The following PCDHGA12 variants were observed in gnomAD, a reference collection of about 807,000 sequenced individuals.
PCDHGA12 encodes the protein protocadherin gamma-A12.
In PCDHGA12, 43 loss-of-function variants were observed where a neutral mutation model predicts 61.1. That is an observed-to-expected ratio of 0.70 (90% confidence interval 0.55 to 0.91). PCDHGA12 has a LOEUF of 0.91. PCDHGA12 is among the 40% of genes least tolerant of loss of function. The pLI, the probability that PCDHGA12 is intolerant of heterozygous loss-of-function variation, is 0.00. For synonymous variants in PCDHGA12, 520 were observed against 542.9 expected, an observed-to-expected ratio of 0.96 and a Z score of 0.59; for missense variants, 1,236 against 1,227.7, an observed-to-expected ratio of 1.01 and a Z score of -0.10.
Position 141,487,291 on chromosome 5 carries a change from C to T in PCDHGA12, c.2425-7516C>T, listed in dbSNP as rs748961925. The stretch of plus-strand genomic sequence containing the variant: ...TGGCAATTTGCTTTGTCTCCTTTGG[C>T]TCATTCGTGGCACTACTCTCTAAGT... On this transcript the variant is annotated intron_variant, in intron 1 of 3. Transcript: ENST00000252085. This position sits in a 1 kb window ranked among gnomAD's most constrained non-coding sequence, Gnocchi z 5.0. The T allele has an allele frequency of 1.9e-5, 30 of 1,614,036 alleles. No homozygotes were observed. Among genetic ancestry groups the T allele is most frequent in the Non-Finnish European group, 2.5e-5 (30 of 1,180,020 alleles).
Position 141,477,931 on chromosome 5 carries a change from G to T in PCDHGA12, c.2425-16876G>T. 6.2e-7 allele frequency: 1 copy of T among 1,614,138 alleles called. No homozygotes were observed. Among genetic ancestry groups the T allele is most frequent in the Non-Finnish European group, 8.5e-7 (1 of 1,180,040 alleles). ...ACGCGGATGCAGGGCACAATGCCTG[G>T]CTCTCCTACAGTCTCTTGGGATCCC... On this transcript the variant is annotated intron_variant, in intron 1 of 3. Coordinates refer to ENST00000252085, the MANE Select transcript of PCDHGA12 (RefSeq NM_003735.3). This position sits in a 1 kb window ranked among gnomAD's most constrained non-coding sequence, Gnocchi z 4.9.
chr5:141,502,037 C>T (rs2154593041), intron 2 of PCDHGA12, among the ~76,000 whole-genome samples: 1 of 152,302 alleles, frequency 6.6e-6, no homozygotes, highest in East Asian at 1.9e-4. Context: ...CGCCGCTTGC[C>T]TGCTCTCCCT....
rs1334965321 is a variant in PCDHGA12, at chr5:141,432,195, C to T, written c.1436C>T (p.Pro479Leu). 3 of 1,614,088 alleles carry T rather than the reference C, an allele frequency of 1.9e-6. No homozygotes were observed. The Admixed American group carries it at 5.0e-5, about 27-fold the overall frequency. ...CTCGTCTCTGTGACCGCCCACGACC[C>T]CGACTGTGAAGAGAACGCCCAGATC... ...VSLVSVTAHDPDCEENAQITY... is the reference protein window; with the variant it reads ...VSLVSVTAHDLDCEENAQITY... Residue 479 changes from proline to leucine, a missense_variant, in exon 1 of 4, where the codon CCC (proline) becomes CTC (leucine). Transcript: ENST00000252085. This position sits in a 1 kb window ranked among gnomAD's most constrained non-coding sequence, Gnocchi z 6.0.
chr5:141,472,980 CA>C (rs60579131), intron 1 of PCDHGA12, among the ~76,000 whole-genome samples: 39,687 of 85,940 alleles, frequency 0.46, 5,633 homozygotes, highest in African/African-American at 0.56. Flanking sequence ...GAGTGAAACT[CA>C]AAAAAAAAAA....
intron 1 of PCDHGA12, among the ~76,000 whole-genome samples, chr5:141,460,995 A>G (rs566978077): frequency 1.1e-4 from 17 of 150,188 alleles, no homozygotes; most frequent in South Asian, 2.1e-4. Flanking sequence ...ATATATATAT[A>G]TGTGTATATA....
rs758066525 is a variant in PCDHGA12, at chr5:141,477,331, T to C, written c.2425-17476T>C. The C allele has an allele frequency of 7.4e-6, 12 of 1,614,024 alleles. No individual in the cohort carries two copies. In the East Asian group the frequency reaches 1.1e-4, roughly 15 times the overall value. Reference sequence around the variant, plus strand: ...TCAGCCTTACTTCTTCCCTCAAGAATTACTTCACTTTGAAAACCAGTGCAG... The same window carrying C: ...TCAGCCTTACTTCTTCCCTCAAGAACTACTTCACTTTGAAAACCAGTGCAG... On this transcript the variant is annotated intron_variant, in intron 1 of 3. Coordinates refer to ENST00000252085, the MANE Select transcript of PCDHGA12 (RefSeq NM_003735.3). This position sits in a 1 kb window ranked among gnomAD's most constrained non-coding sequence, Gnocchi z 4.9.
chr5:141,475,870 C>CAGTT, intron 1 of PCDHGA12: 1 of 511,190 alleles, frequency 2.0e-6, no homozygotes, highest in East Asian at 3.3e-5. Context: ...ATTCTTCGTG[C>CAGTT]AGTTATTGGC....
chr5:141,484,591 T>C (rs2099597977), intron 1 of PCDHGA12, among the ~76,000 whole-genome samples: 1 of 152,020 alleles, frequency 6.6e-6, no homozygotes, highest in African/African-American at 2.4e-5. Flanking sequence ...AAGCTACTCA[T>C]TTAGAATACT....
At chr5:141,436,318 CTG>C (rs1309397202) in intron 1 of PCDHGA12, among the ~76,000 whole-genome samples, 1 of 152,154 alleles carries the variant, frequency 6.6e-6, no homozygotes, top group Non-Finnish European at 1.5e-5. Flanking sequence ...ATAGTCAAGA[CTG>C]TTAGACCATA....
chr5:141,457,632 G>T (rs919693977), intron 1 of PCDHGA12, among the ~76,000 whole-genome samples: 1 of 152,142 alleles, frequency 6.6e-6, no homozygotes, highest in Non-Finnish European at 1.5e-5. Context: ...CTTATACTTG[G>T]CCTGATTATT....
chr5:141,485,444 G>A lies in PCDHGA12; in HGVS notation c.2425-9363G>A. 1 of 1,614,110 alleles carries A rather than the reference G, an allele frequency of 6.2e-7. No individual in the cohort carries two copies. Among genetic ancestry groups the A allele is most frequent in the Non-Finnish European group, 8.5e-7 (1 of 1,180,020 alleles). On this transcript the variant is annotated intron_variant, in intron 1 of 3. Coordinates refer to ENST00000252085, the MANE Select transcript of PCDHGA12 (RefSeq NM_003735.3). This position sits in a 1 kb window ranked among gnomAD's most constrained non-coding sequence, Gnocchi z 5.7. ...AGCCCTGCTCATCAAGAACCCAATC[G>A]ACCGAGAGGCACTGTGTGGGCTCAG...
intron 1 of PCDHGA12, among the ~76,000 whole-genome samples, chr5:141,473,298 A>G (rs1033516450): frequency 1.3e-5 from 2 of 152,244 alleles, no homozygotes; most frequent in Non-Finnish European, 2.9e-5. Context: ...AGTAGCATAA[A>G]GATTGCTATA....
chr5:141,504,474 G>A (rs903417314), intron 2 of PCDHGA12, among the ~76,000 whole-genome samples: 1 of 152,066 alleles, frequency 6.6e-6, no homozygotes, highest in African/African-American at 2.4e-5. Context: ...TGGGATGGGA[G>A]TACAGTGGAG....
chr5:141,466,090 C>A (rs983505253), intron 1 of PCDHGA12, among the ~76,000 whole-genome samples: 2 of 152,068 alleles, frequency 1.3e-5, no homozygotes, highest in African/African-American at 4.8e-5. Context: ...CCACTGCACT[C>A]CAGCCTGGGC....
chr5:141,487,123 T>C lies in PCDHGA12; in HGVS notation c.2425-7684T>C. 6.2e-7 allele frequency: 1 copy of C among 1,614,086 alleles called. No homozygotes were observed. The highest frequency in any genetic ancestry group is 1.1e-5 in the South Asian group (1 of 91,082). On this transcript the variant is annotated intron_variant, in intron 1 of 3. Coordinates refer to ENST00000252085, the MANE Select transcript of PCDHGA12 (RefSeq NM_003735.3). The surrounding 1 kb of genome is among the most constrained non-coding windows in gnomAD (Gnocchi z 5.0). ...AGCTGGTCATTGTGGTAAAGGATAG[T>C]GGTAGTCCACCACTCTCTACCTCTG...
intron 1 of PCDHGA12, among the ~76,000 whole-genome samples, chr5:141,492,148 G>C (rs2099737507): frequency 6.6e-6 from 1 of 152,202 alleles, no homozygotes; most frequent in Admixed American, 6.5e-5. Flanking sequence ...TGACTTCACT[G>C]TTACCCTCCC....
At chr5:141,497,503 C>CTGCTTCCT (rs1042765123) in intron 2 of PCDHGA12, among the ~76,000 whole-genome samples, 57 of 151,054 alleles carry the variant, frequency 3.8e-4, no homozygotes, top group African/African-American at 1.4e-3. Flanking sequence ...TCTCCTCTCT[C>CTGCTTCCT]TGCTTCCTTA....
chr5:141,482,530 CAAAAA>C (rs3074545), intron 1 of PCDHGA12, among the ~76,000 whole-genome samples: 1 of 76,558 alleles, frequency 1.3e-5, no homozygotes, highest in African/African-American at 4.8e-5. Context: ...GACAGACATG[CAAAAA>C]AAAAAAAAAA....
chr5:141,506,109 A>G (rs1027886504), intron 3 of PCDHGA12, among the ~76,000 whole-genome samples: 5 of 152,126 alleles, frequency 3.3e-5, no homozygotes, highest in Middle Eastern at 3.2e-3. Flanking sequence ...GTCCCTGAAG[A>G]GTCACTAGGG....
Sources: gnomAD v4.1 joint callset for allele counts (sites outside exome capture counted in the v4.1 genomes callset) on GRCh38, gnomAD v4.1.1 for gene constraint, Gnocchi (gnomAD v3.1) non-coding constraint, MANE v1.5 for transcripts, NCBI Gene and HGNC (gene_info 2026-07-23, HGNC 2026-07-21) for gene names.